The following ZNF236 variants were observed in gnomAD, a reference collection of about 807,000 sequenced individuals.
ZNF236 encodes zinc finger protein 236.
A neutral mutation model predicts 191.2 loss-of-function variants in ZNF236; 50 were observed. That is an observed-to-expected ratio of 0.26 (90% CI 0.21 to 0.33). The LOEUF is 0.33. Among genes scored for constraint, ZNF236 ranks in the 10% least tolerant of loss-of-function variants. ZNF236 has a pLI of 1.00. For synonymous variants in ZNF236, 907 were observed against 928.8 expected, an observed-to-expected ratio of 0.98 and a Z score of 0.43; for missense variants, 1,754 against 2,374.5, an observed-to-expected ratio of 0.74 and a Z score of 5.43.
intron 25 of ZNF236, among the ~76,000 whole-genome samples, chr18:76,932,546 C>T (rs529272649): frequency 2.0e-5 from 3 of 152,264 alleles, no homozygotes; most frequent in South Asian, 4.1e-4. Context: ...AATGTGAAGA[C>T]GTGCTGTTTG....
intron 25 of ZNF236, 67 bp downstream of exon 25, chr18:76,928,173 CT>C: frequency 1.5e-6 from 2 of 1,297,268 alleles, no homozygotes; most frequent in Non-Finnish European, 2.1e-6. Context: ...CTTACTATCT[CT>C]TTTCCTACAA....
chr18:76,847,055 A>G (rs1001181014), intron 1 of ZNF236, among the ~76,000 whole-genome samples: 10 of 152,112 alleles, frequency 6.6e-5, no homozygotes, highest in African/African-American at 2.4e-4. Flanking sequence ...GGGCTCCCAG[A>G]GTGTTGGAAT....
intron 10 of ZNF236, 144 bp downstream of exon 10, chr18:76,895,429 A>G (rs924287382): frequency 4.3e-6 from 5 of 1,169,944 alleles, no homozygotes; most frequent in Non-Finnish European, 6.0e-6. Flanking sequence ...TGCACAAAGT[A>G]TCACACACAG....
Position 76,904,371 on chromosome 18 carries a change from G to C in ZNF236, c.1895-9G>C. 1 of 1,589,308 alleles carries C rather than the reference G, an allele frequency of 6.3e-7. No individual in the cohort carries two copies. Among genetic ancestry groups the C allele is most frequent in the Non-Finnish European group, 8.5e-7 (1 of 1,169,726 alleles). Reference sequence around the variant, plus strand: ...AGTGAATTACATCTGCTTTTCTTTTGCTTTGTAGGTCTCATCCAGCCCATT... The same window carrying C: ...AGTGAATTACATCTGCTTTTCTTTTCCTTTGTAGGTCTCATCCAGCCCATT... On this transcript the variant is annotated splice_polypyrimidine_tract_variant and intron_variant, in intron 11 of 30. Coordinates refer to ENST00000320610, the MANE Select transcript of ZNF236 (RefSeq NM_001306089.2).
rs1968913090 is a variant in ZNF236 at position 76,971,954 on chromosome 18, A to G, written c.*3615A>G. On this transcript the variant is annotated 3_prime_UTR_variant, in exon 31 of 31. Coordinates refer to ENST00000320610, the MANE Select transcript of ZNF236 (RefSeq NM_001306089.2). ...TTCCCTGACTAAAAAAAGTTAATCC[A>G]AGGATTGATCGTTGCGAATGTATCC... is the stretch of plus-strand genomic sequence containing the variant. Among the ~76,000 whole-genome samples, 1 of 152,228 alleles carries G rather than the reference A, an allele frequency of 6.6e-6. No individual in the cohort carries two copies. Among genetic ancestry groups the G allele is most frequent in the South Asian group, 2.1e-4 (1 of 4,834 alleles).
rs1968000902 is a variant in ZNF236 at position 76,936,431 on chromosome 18, G to A, written c.4595-725G>A. On this transcript the variant is annotated intron_variant, in intron 25 of 30. Coordinates refer to ENST00000320610, the MANE Select transcript of ZNF236 (RefSeq NM_001306089.2). Reference sequence around the variant, plus strand: ...CTGCCAGCAAGGTACATGAGTGTCTGTTTTGTAAAAGAAAAGCCCTTTCTT... The same window carrying A: ...CTGCCAGCAAGGTACATGAGTGTCTATTTTGTAAAAGAAAAGCCCTTTCTT... 5.5e-5 allele frequency: 25 copies of A among 456,432 alleles called. 1 individual carries two copies. The highest frequency in any genetic ancestry group is 3.9e-4 in the South Asian group (25 of 64,456). 28.3% of individuals were successfully genotyped at this position (456,432 alleles called of 1,614,324 possible).
In ZNF236 at chr18:76,947,386, A is replaced by G. The variant is rs370705573; in HGVS notation, c.4783-135A>G. The G allele has an allele frequency of 3.6e-5, 38 of 1,052,190 alleles. 1 individual carries two copies. The Middle Eastern group carries it at 1.3e-3, about 36-fold the overall frequency. 65.2% of individuals were successfully genotyped at this position (1,052,190 alleles called of 1,614,324 possible). ...CACTTCTCTTGGGTTGCTGGGTTAC[A>G]TGGTGACTCCACGGTTCACTTTTTG... is the stretch of plus-strand genomic sequence containing the variant. On this transcript the variant is annotated intron_variant, in intron 26 of 30. Coordinates refer to ENST00000320610, the MANE Select transcript of ZNF236 (RefSeq NM_001306089.2).
rs1189168679 is a variant in ZNF236, at chr18:76,913,873, C to G, written c.3036C>G (p.Leu1012=). ...GCGGCTTTGTTTCCTCTGGGGTCCT[C>G]AAGTCCCACGAGAAGACACACACAG... The part of the protein sequence containing the change: ...CGRGFVSSGV[L]KSHEKTHTGV... Residue 1012 remains leucine, a synonymous_variant, in exon 18 of 31, where the codon CTC becomes CTG. Transcript: ENST00000320610. The G allele has an allele frequency of 1.9e-6, 3 of 1,614,212 alleles. No homozygotes were observed. The highest frequency in any genetic ancestry group is 2.5e-6 in the Non-Finnish European group (3 of 1,180,032).
rs1207611452 is a variant in ZNF236, at chr18:76,969,602, T to C, written c.*1263T>C. On this transcript the variant is annotated 3_prime_UTR_variant, in exon 31 of 31. Coordinates refer to ENST00000320610, the MANE Select transcript of ZNF236 (RefSeq NM_001306089.2). Reference sequence around the variant, plus strand: ...TAAATGGATATCTTTTTCATTGTCATATAAAGCTGGGTTTTATTTTTTTTT... The same window carrying C: ...TAAATGGATATCTTTTTCATTGTCACATAAAGCTGGGTTTTATTTTTTTTT... The C allele has an allele frequency of 6.6e-6, 1 of 152,654 alleles. No individual in the cohort carries two copies. The highest frequency in any genetic ancestry group is 1.5e-5 in the Non-Finnish European group (1 of 68,046). 9.5% of individuals were successfully genotyped at this position (152,654 alleles called of 1,614,324 possible).
intron 3 of ZNF236, among the ~76,000 whole-genome samples, chr18:76,856,995 A>G (rs1449550990): frequency 6.6e-6 from 1 of 152,220 alleles, no homozygotes; most frequent in East Asian, 1.9e-4. Flanking sequence ...GAAGGGATGC[A>G]TCCACACTGA....
At position 76,971,206 on chromosome 18, in the gene ZNF236, G is replaced by A. The variant is rs1412115095; in HGVS notation, c.*2867G>A. ...CCCACCTGCTAGATAATGCCCAAGC[G>A]GCTGCGTTTCCATAGAATGGCAATA... is the stretch of plus-strand genomic sequence containing the variant. On this transcript the variant is annotated 3_prime_UTR_variant, in exon 31 of 31. Transcript: ENST00000320610. Among the ~76,000 whole-genome samples, 1 of 152,222 alleles carries A rather than the reference G, an allele frequency of 6.6e-6. No individual in the cohort carries two copies. Among genetic ancestry groups the A allele is most frequent in the Non-Finnish European group, 1.5e-5 (1 of 68,048 alleles).
At chr18:76,824,182 T>C in intron 1 of ZNF236, 1 of 640,890 alleles carries the variant, frequency 1.6e-6, no homozygotes, top group East Asian at 2.7e-5. Flanking sequence ...CAAAGGATTG[T>C]GTTAATTTTG....
At position 76,972,329 on chromosome 18, in the gene ZNF236, G is replaced by A. The variant is rs1968918426; in HGVS notation, c.*3990G>A. Among the ~76,000 whole-genome samples the A allele has an allele frequency of 6.6e-6, 1 of 152,164 alleles. No individual in the cohort carries two copies. Among genetic ancestry groups the A allele is most frequent in the Non-Finnish European group, 1.5e-5 (1 of 68,040 alleles). ...AGAGACATGTTCTTTGTCATGGTGTGGCTTGCCACAACATGTCCTGTTTGG... is the reference window on the plus strand; with the variant it reads ...AGAGACATGTTCTTTGTCATGGTGTAGCTTGCCACAACATGTCCTGTTTGG... On this transcript the variant is annotated 3_prime_UTR_variant, in exon 31 of 31. Transcript: ENST00000320610.
chr18:76,874,308 T>C (rs770484387), intron 5 of ZNF236, among the ~76,000 whole-genome samples: 1 of 152,212 alleles, frequency 6.6e-6, no homozygotes, highest in Admixed American at 6.5e-5. Context: ...TCTGATGTTA[T>C]TATGAACTCA....
intron 25 of ZNF236, chr18:76,931,306 A>G (rs1262387964): frequency 6.6e-6 from 1 of 152,162 alleles, no homozygotes; most frequent in Non-Finnish European, 1.5e-5. Flanking sequence ...GTCAATGAGG[A>G]GTTAAACTGT....
chr18:76,937,172 C>T lies in ZNF236; in HGVS notation c.4611C>T (p.Ser1537=), dbSNP rs367902221. 7 of 1,613,908 alleles carry T rather than the reference C, an allele frequency of 4.3e-6. No individual in the cohort carries two copies. In the African/African-American group the frequency reaches 5.3e-5, roughly 12 times the overall value. ...CTTTTGTAGAACTTAACACTACAAG[C>T]GGAAGCCTTCCTTCAACAACACCGA... ...TLTISELNTT[S]GSLPSTTPMS... Residue 1537 remains serine (S), a synonymous_variant, in exon 26 of 31, where the codon AGC becomes AGT. Transcript: ENST00000320610.
At chr18:76,836,129 A>G (rs1975318249) in intron 1 of ZNF236, among the ~76,000 whole-genome samples, 1 of 151,984 alleles carries the variant, frequency 6.6e-6, no homozygotes. Context: ...GCTGGTCTCG[A>G]ACTTCTGACC....
intron 30 of ZNF236, among the ~76,000 whole-genome samples, chr18:76,962,797 GT>G (rs931744999): frequency 1.1e-4 from 16 of 151,066 alleles, no homozygotes; most frequent in African/African-American, 3.6e-4. Context: ...GTATTCCTAA[GT>G]TTTTTTTTGT....
intron 27 of ZNF236, among the ~76,000 whole-genome samples, chr18:76,954,821 G>C (rs902250715): frequency 6.6e-6 from 1 of 152,108 alleles, no homozygotes; most frequent in Non-Finnish European, 1.5e-5. Flanking sequence ...ACCAGTCCCT[G>C]CACATCTCAC....
Sources: allele counts gnomAD v4.1 joint callset (sites outside exome capture counted in the v4.1 genomes callset), GRCh38; gene constraint gnomAD v4.1.1; transcripts MANE v1.5; gene names NCBI Gene and HGNC (gene_info 2026-07-23, HGNC 2026-07-21).